The following MAD1L1 variants were observed in gnomAD, a reference collection of about 807,000 sequenced individuals.
MAD1L1 encodes the protein mitotic spindle assembly checkpoint protein MAD1.
A neutral mutation model predicts 96.9 loss-of-function variants in MAD1L1; 95 were observed. That is an observed-to-expected ratio of 0.98 (90% confidence interval 0.83 to 1.16). MAD1L1 has a LOEUF of 1.16. MAD1L1 is among the 50% of genes most tolerant of loss of function. The pLI, the probability that MAD1L1 is intolerant of heterozygous loss-of-function variation, is 0.00. For synonymous variants in MAD1L1, 473 were observed against 396.6 expected, an observed-to-expected ratio of 1.19 and a Z score of -2.29; for missense variants, 1,007 against 954.4, an observed-to-expected ratio of 1.06 and a Z score of -0.73.
At chr7:1,830,678 A>G (rs1191642757) in intron 18 of MAD1L1, among the ~76,000 whole-genome samples, 2 of 152,186 alleles carry the variant, frequency 1.3e-5, no homozygotes, top group Non-Finnish European at 2.9e-5. Context: ...CACACTACAC[A>G]TAAGGCGGTG....
At chr7:2,159,079 T>C (rs1789975711) in intron 10 of MAD1L1, among the ~76,000 whole-genome samples, 1 of 152,156 alleles carries the variant, frequency 6.6e-6, no homozygotes, top group Non-Finnish European at 1.5e-5. Context: ...TCTTACCCCA[T>C]GGAAAGGGAC....
At chr7:1,833,278 T>G (rs1159619310) in intron 18 of MAD1L1, among the ~76,000 whole-genome samples, 1 of 152,222 alleles carries the variant, frequency 6.6e-6, no homozygotes, top group Admixed American at 6.5e-5. Context: ...ATACCCAAGG[T>G]TGCTTACTGA....
chr7:1,841,984 G>A (rs1783289495), intron 18 of MAD1L1, among the ~76,000 whole-genome samples: 1 of 152,202 alleles, frequency 6.6e-6, no homozygotes, highest in African/African-American at 2.4e-5. Context: ...GCCGCGCTCG[G>A]CCGCCATCTT....
At chr7:2,215,677 C>T (rs968911452) in intron 9 of MAD1L1, among the ~76,000 whole-genome samples, 6 of 152,210 alleles carry the variant, frequency 3.9e-5, no homozygotes, top group Non-Finnish European at 7.3e-5. Flanking sequence ...GACCAGTCAC[C>T]TCATTCGCCC....
chr7:2,151,383 C>A (rs1210168660), intron 10 of MAD1L1, among the ~76,000 whole-genome samples: 5 of 152,238 alleles, frequency 3.3e-5, no homozygotes, highest in Admixed American at 2.6e-4. Context: ...GACCACCCCG[C>A]CTCACACCCC....
Position 2,103,918 on chromosome 7 carries a change from C to T in MAD1L1, c.1074-34580G>A, listed in dbSNP as rs369914192. On this transcript the variant is annotated intron_variant, in intron 11 of 18. Transcript: ENST00000265854. The surrounding 1 kb of genome is among the most constrained non-coding windows in gnomAD (Gnocchi z 4.3). ...TGCCACGCCATACAACACTCCACCC[C>T]GCTGGACGTCGGAGAAAGAGGCCCC... Among the ~76,000 whole-genome samples the T allele has an allele frequency of 6.6e-5, 10 of 152,328 alleles. No homozygotes were observed. The highest frequency in any genetic ancestry group is 9.6e-5 in the African/African-American group (4 of 41,568).
chr7:1,967,756 C>T (rs1184051906), intron 15 of MAD1L1, among the ~76,000 whole-genome samples: 2 of 152,208 alleles, frequency 1.3e-5, no homozygotes, highest in East Asian at 1.9e-4. Context: ...CAGCAGGGCG[C>T]GGCCGGCCGC....
At chr7:1,826,319 T>C (rs533215194) in intron 18 of MAD1L1, among the ~76,000 whole-genome samples, 1 of 152,198 alleles carries the variant, frequency 6.6e-6, no homozygotes, top group Non-Finnish European at 1.5e-5. Flanking sequence ...AGCTTCTCGC[T>C]GCTGGTGTAT....
intron 12 of MAD1L1, among the ~76,000 whole-genome samples, chr7:2,051,159 C>A (rs903943264): frequency 1.3e-5 from 2 of 152,210 alleles, no homozygotes; most frequent in Non-Finnish European, 2.9e-5. Context: ...CCTGGTCCCT[C>A]CAGCCCTTCC....
intron 12 of MAD1L1, among the ~76,000 whole-genome samples, chr7:2,054,954 G>C (rs1784327181): frequency 6.6e-6 from 1 of 152,244 alleles, no homozygotes; most frequent in Admixed American, 6.5e-5. Flanking sequence ...AAGATGGGTT[G>C]CATGGGTCAC....
At chr7:1,829,959 T>C (rs1403807803) in intron 18 of MAD1L1, among the ~76,000 whole-genome samples, 11 of 152,082 alleles carry the variant, frequency 7.2e-5, no homozygotes, top group Admixed American at 7.2e-4. Context: ...CCCAGAATTC[T>C]CCACCCAGTG....
At chr7:2,154,029 G>A (rs552461565) in intron 10 of MAD1L1, among the ~76,000 whole-genome samples, 84 of 152,252 alleles carry the variant, frequency 5.5e-4, no homozygotes, top group Admixed American at 1.5e-3. Flanking sequence ...GGTGGCACAC[G>A]CCTGTAATCC....
intron 11 of MAD1L1, among the ~76,000 whole-genome samples, chr7:2,072,404 C>G (rs138188148): frequency 2.8e-4 from 42 of 152,376 alleles, no homozygotes; most frequent in African/African-American, 1.0e-3. Context: ...AGGTGCAGCA[C>G]TGGCCAGCGG....
At chr7:1,846,488 G>C (rs916646148) in intron 18 of MAD1L1, 3 of 153,076 alleles carry the variant, frequency 2.0e-5, no homozygotes, top group African/African-American at 7.2e-5. Context: ...ACTCGTGCCC[G>C]AGGTGCCCTC....
At chr7:2,089,961 G>A (rs995941322) in intron 11 of MAD1L1, among the ~76,000 whole-genome samples, 1 of 152,182 alleles carries the variant, frequency 6.6e-6, no homozygotes, top group Non-Finnish European at 1.5e-5. Flanking sequence ...CAGGGACAGG[G>A]AACACCAACC....
chr7:2,191,080 C>T (rs542356233), intron 10 of MAD1L1, among the ~76,000 whole-genome samples: 6 of 152,314 alleles, frequency 3.9e-5, no homozygotes, highest in African/African-American at 9.6e-5. Context: ...TATATCCGTT[C>T]GATATAACAA....
intron 10 of MAD1L1, among the ~76,000 whole-genome samples, chr7:2,195,704 G>A (rs779024469): frequency 2.6e-5 from 4 of 152,218 alleles, no homozygotes; most frequent in South Asian, 4.1e-4. Flanking sequence ...GAAGTTAAAC[G>A]CTTCCTCTCC....
intron 17 of MAD1L1, among the ~76,000 whole-genome samples, chr7:1,918,995 G>A (rs138707195): frequency 0.014 from 2,115 of 152,344 alleles, 42 homozygotes; most frequent in African/African-American, 0.048. Flanking sequence ...AGGCTCTGGC[G>A]GCTCTTGCCA....
chr7:1,883,381 G>A (rs560249050), intron 18 of MAD1L1, among the ~76,000 whole-genome samples: 10 of 152,294 alleles, frequency 6.6e-5, no homozygotes, highest in East Asian at 1.9e-4. Flanking sequence ...AAACGGCCCC[G>A]GGGATGAGCT....
Sources: allele counts gnomAD v4.1 joint callset (sites outside exome capture counted in the v4.1 genomes callset), GRCh38; gene constraint gnomAD v4.1.1; non-coding constraint Gnocchi (gnomAD v3.1); transcripts MANE v1.5; gene names NCBI Gene and HGNC (gene_info 2026-07-23, HGNC 2026-07-21).